ATP8A2: variants seen among roughly 807,000 people sequenced by gnomAD.
ATP8A2 encodes phospholipid-transporting ATPase IB.
In ATP8A2, 100 loss-of-function variants were observed where a neutral mutation model predicts 165.6. The ratio of observed to expected loss-of-function variants is 0.60; its 90% CI spans 0.51 to 0.71. ATP8A2 has a LOEUF of 0.71. Ranked by LOEUF, ATP8A2 falls within the 30% of genes least tolerant of loss-of-function variation. The probability of loss-of-function intolerance (pLI) is 0.00; values close to 1 mark genes in which losing one functional copy is unlikely to be tolerated. For synonymous variants in ATP8A2, 543 were observed against 548.8 expected, an observed-to-expected ratio of 0.99 and a Z score of 0.15; for missense variants, 1,227 against 1,479.5, an observed-to-expected ratio of 0.83 and a Z score of 2.80.
chr13:26,025,829 A>C lies in ATP8A2; in HGVS notation c.*5844A>C, dbSNP rs970978743. 1 of 152,204 alleles carries C rather than the reference A, an allele frequency of 6.6e-6. No individual in the cohort carries two copies. The highest frequency in any genetic ancestry group is 2.1e-4 in the South Asian group (1 of 4,832). The allele number at this position is 152,204 out of a possible 1,614,324, so 9.4% of individuals were successfully genotyped here. On this transcript the variant is annotated 3_prime_UTR_variant, in exon 37 of 37. Coordinates refer to ENST00000381655, the MANE Select transcript of ATP8A2 (RefSeq NM_016529.6). ...GTGTATGTCTGCGCAAACCTGTTTC[A>C]AATAAATCTTTTGTTAAAGTAAGTG...
At chr13:25,721,857 A>G (rs2043389165) in intron 25 of ATP8A2, among the ~76,000 whole-genome samples, 1 of 152,226 alleles carries the variant, frequency 6.6e-6, no homozygotes, top group Non-Finnish European at 1.5e-5. Flanking sequence ...ATGGACATTT[A>G]GGCTATTTCC....
chr13:25,902,794 C>G (rs1010706296), intron 33 of ATP8A2, among the ~76,000 whole-genome samples: 2 of 152,082 alleles, frequency 1.3e-5, no homozygotes, highest in Non-Finnish European at 2.9e-5. Flanking sequence ...TGTGTTCAGC[C>G]CAGACCTCTT....
chr13:25,690,615 T>C (rs6491085), intron 24 of ATP8A2, among the ~76,000 whole-genome samples: 150,880 of 152,314 alleles, frequency 0.99, 74,747 homozygotes, highest in East Asian at 1. Context: ...CAAATTAAAA[T>C]TACTAAATCT....
intron 24 of ATP8A2, among the ~76,000 whole-genome samples, chr13:25,675,446 T>C (rs1431063948): frequency 2.6e-5 from 4 of 152,202 alleles, no homozygotes; most frequent in Admixed American, 6.5e-5. Flanking sequence ...TCAGGCCTGG[T>C]GTAGAGGTGT....
At chr13:25,435,957 G>GTGTA (rs142904685) in intron 1 of ATP8A2, among the ~76,000 whole-genome samples, 98,926 of 149,048 alleles carry the variant, frequency 0.66, 33,400 homozygotes, top group East Asian at 0.99. Context: ...GTGTGAGTGT[G>GTGTA]TGTGTGTGTG....
At chr13:25,404,576 A>G (rs896183846) in intron 1 of ATP8A2, among the ~76,000 whole-genome samples, 7 of 152,034 alleles carry the variant, frequency 4.6e-5, no homozygotes, top group Admixed American at 4.6e-4. Context: ...TGGGCAGTGG[A>G]TGTGCATCTG....
intron 2 of ATP8A2, among the ~76,000 whole-genome samples, chr13:25,500,203 G>T (rs961698173): frequency 6.6e-6 from 1 of 152,170 alleles, no homozygotes; most frequent in African/African-American, 2.4e-5. Context: ...TGGAAGGAAG[G>T]CACAATAGGG....
intron 24 of ATP8A2, among the ~76,000 whole-genome samples, chr13:25,595,125 T>C (rs1250208020): frequency 6.6e-6 from 1 of 152,020 alleles, no homozygotes; most frequent in Non-Finnish European, 1.5e-5. Flanking sequence ...TTAAACAAAT[T>C]GTGAAACATA....
chr13:25,611,873 A>G (rs765124960), intron 24 of ATP8A2, among the ~76,000 whole-genome samples: 3 of 151,786 alleles, frequency 2.0e-5, no homozygotes, highest in Non-Finnish European at 4.4e-5. Context: ...GGAGGGTTGT[A>G]TTTTTCCAGT....
At chr13:25,524,898 C>A (rs147391058) in intron 2 of ATP8A2, among the ~76,000 whole-genome samples, 2,494 of 63,750 alleles carry the variant, frequency 0.039, 30 homozygotes, top group African/African-American at 0.052. Context: ...TTCCTTCCTT[C>A]CTTCCTTCCT....
intron 28 of ATP8A2, among the ~76,000 whole-genome samples, chr13:25,831,592 C>T (rs1566182923): frequency 2.0e-5 from 3 of 152,072 alleles, no homozygotes; most frequent in East Asian, 2.0e-4. Context: ...CCTATAATCC[C>T]GGCACTTTGG....
chr13:25,592,044 T>C (rs866448157), intron 24 of ATP8A2, among the ~76,000 whole-genome samples: 12 of 148,818 alleles, frequency 8.1e-5, no homozygotes, highest in Middle Eastern at 3.5e-3. Flanking sequence ...TTTTTTTTAA[T>C]AGTAGCCACT....
intron 1 of ATP8A2, among the ~76,000 whole-genome samples, chr13:25,441,759 CAT>C (rs2034936853): frequency 6.6e-6 from 1 of 152,158 alleles, no homozygotes; most frequent in Non-Finnish European, 1.5e-5. Flanking sequence ...ATACACATAA[CAT>C]AGAATTTACT....
chr13:25,410,601 G>A (rs1263863626), intron 1 of ATP8A2, among the ~76,000 whole-genome samples: 4 of 152,234 alleles, frequency 2.6e-5, no homozygotes, highest in African/African-American at 9.6e-5. Context: ...ACTCCTGTGA[G>A]CAAGGCCCTG....
intron 29 of ATP8A2, among the ~76,000 whole-genome samples, chr13:25,837,832 C>CAAAAAAAAATAAAAAAAAGAAAATAT: frequency 6.8e-6 from 1 of 148,120 alleles, no homozygotes; most frequent in South Asian, 2.1e-4. Context: ...AGAAAGGAAC[C>CAAAAAAAAATAAAAAAAAGAAAATAT]AAAAAAAAAT....
intron 24 of ATP8A2, among the ~76,000 whole-genome samples, chr13:25,681,927 C>T (rs1165161786): frequency 6.6e-6 from 1 of 152,150 alleles, no homozygotes; most frequent in Non-Finnish European, 1.5e-5. Flanking sequence ...CTGGTTTGCC[C>T]TGTAACTGAC....
At chr13:25,723,284 T>G (rs954919318) in intron 25 of ATP8A2, among the ~76,000 whole-genome samples, 1 of 152,176 alleles carries the variant, frequency 6.6e-6, no homozygotes, top group Non-Finnish European at 1.5e-5. Context: ...TTATAAAAAT[T>G]TCCTTAGATC....
intron 1 of ATP8A2, among the ~76,000 whole-genome samples, chr13:25,404,494 G>C (rs2033735743): frequency 6.6e-6 from 1 of 152,050 alleles, no homozygotes; most frequent in Admixed American, 6.5e-5. Flanking sequence ...CTTGGAGAGT[G>C]GTCATAGTGA....
chr13:25,832,040 A>G (rs1288129564), intron 28 of ATP8A2, among the ~76,000 whole-genome samples: 1 of 151,508 alleles, frequency 6.6e-6, no homozygotes, highest in Non-Finnish European at 1.5e-5. Context: ...CCCGGGTTCA[A>G]GCAATTCTCC....
Sources: allele counts gnomAD v4.1 joint callset (sites outside exome capture counted in the v4.1 genomes callset), GRCh38; gene constraint gnomAD v4.1.1; transcripts MANE v1.5; gene names NCBI Gene and HGNC (gene_info 2026-07-23, HGNC 2026-07-21).